NBEA: variants seen among roughly 807,000 people sequenced by gnomAD.
The protein encoded by NBEA is neurobeachin.
NBEA carries 44 observed loss-of-function variants against 343.4 expected under a neutral mutation model. The ratio of observed to expected loss-of-function variants is 0.13; its 90% CI spans 0.10 to 0.16. The LOEUF is 0.16. Ranked by LOEUF, NBEA falls within the 10% of genes least tolerant of loss-of-function variation. The pLI, the probability that NBEA is intolerant of heterozygous loss-of-function variation, is 1.00. For missense variants in NBEA, 2,555 were observed against 3,631.3 expected (o/e 0.70, Z 7.62); for synonymous variants, 1,175 against 1,238.7 (o/e 0.95, Z 1.08).
intron 10 of NBEA, among the ~76,000 whole-genome samples, chr13:35,084,871 A>G (rs2064648743): frequency 6.6e-6 from 1 of 152,158 alleles, no homozygotes; most frequent in South Asian, 2.1e-4. Flanking sequence ...GAAGAATCAA[A>G]TAGATGCAAT....
intron 38 of NBEA, among the ~76,000 whole-genome samples, chr13:35,358,365 A>G (rs1385728249): frequency 6.6e-6 from 1 of 152,088 alleles, no homozygotes; most frequent in Admixed American, 6.6e-5. Flanking sequence ...CAAAACAGAT[A>G]TACTTTCTCC....
chr13:35,647,723 C>T (rs1033756146), intron 51 of NBEA, among the ~76,000 whole-genome samples: 17 of 152,170 alleles, frequency 1.1e-4, no homozygotes, highest in South Asian at 6.2e-4. Context: ...TGCGCCACCA[C>T]CCCTGGCTAA....
chr13:35,130,889 A>C (rs2067385591), intron 17 of NBEA, among the ~76,000 whole-genome samples: 1 of 152,064 alleles, frequency 6.6e-6, no homozygotes, highest in South Asian at 2.1e-4. Context: ...AATAACTATA[A>C]CAAGAAGTTA....
intron 11 of NBEA, among the ~76,000 whole-genome samples, chr13:35,101,810 G>C (rs778858615): frequency 6.6e-6 from 1 of 151,478 alleles, no homozygotes; most frequent in Non-Finnish European, 1.5e-5. Flanking sequence ...TATGTATTTT[G>C]GATGTGATTA....
chr13:35,384,716 G>C (rs1345543377), intron 38 of NBEA, among the ~76,000 whole-genome samples: 1 of 151,860 alleles, frequency 6.6e-6, no homozygotes, highest in Non-Finnish European at 1.5e-5. Context: ...TGTAGAGACG[G>C]GGTTTCACCA....
intron 8 of NBEA, among the ~76,000 whole-genome samples, chr13:35,068,255 C>A (rs1173325121): frequency 1.3e-5 from 2 of 151,948 alleles, no homozygotes; most frequent in Non-Finnish European, 2.9e-5. Context: ...AAAACTAAGA[C>A]CAATCAATGT....
At chr13:34,994,146 C>T (rs775773130) in intron 1 of NBEA, among the ~76,000 whole-genome samples, 1 of 131,326 alleles carries the variant, frequency 7.6e-6, no homozygotes. Context: ...TGCAGTGAGC[C>T]GAGGTCATGC....
chr13:35,033,982 G>T (rs993893783), intron 1 of NBEA, among the ~76,000 whole-genome samples: 1 of 151,412 alleles, frequency 6.6e-6, no homozygotes, highest in Non-Finnish European at 1.5e-5. Flanking sequence ...TTTCCCATTT[G>T]GATACCTTTT....
At position 35,173,740 on chromosome 13, in the gene NBEA, G is replaced by A. The variant is rs554868863; in HGVS notation, c.4554+146G>A. ...CAGCTCTAGGCTGCTTAACAATTTT[G>A]TTACCAAGATTACTTAACTTCTCTG... On this transcript the variant is annotated intron_variant, in intron 27 of 58. Transcript: ENST00000379939. 1.1e-4 allele frequency: 63 copies of A among 598,000 alleles called. No homozygotes were observed. In the African/African-American group the frequency reaches 1.1e-3, roughly 10 times the overall value. 37.0% of individuals were successfully genotyped at this position (598,000 alleles called of 1,614,324 possible). A position where few individuals can be genotyped will look rare whatever the true frequency, so the allele number is the denominator to read the frequency against.
intron 41 of NBEA, among the ~76,000 whole-genome samples, chr13:35,543,308 G>A (rs2078916327): frequency 1.3e-5 from 2 of 152,266 alleles, no homozygotes; most frequent in East Asian, 1.9e-4. Flanking sequence ...TTATAGAGGT[G>A]TTGAAAAATC....
intron 36 of NBEA, among the ~76,000 whole-genome samples, chr13:35,317,094 T>C (rs1049393473): frequency 6.6e-6 from 1 of 152,242 alleles, no homozygotes; most frequent in Non-Finnish European, 1.5e-5. Context: ...TCTTTTGCTG[T>C]GCAGAAGCTC....
chr13:35,109,197 T>C (rs575498797), intron 11 of NBEA, 93 bp from the exon 12 acceptor site: 1 of 1,067,826 alleles, frequency 9.4e-7, no homozygotes, highest in Non-Finnish European at 1.3e-6. Flanking sequence ...AGGGATAGCA[T>C]ATGAAAAATT....
At chr13:35,559,624 A>T (rs1300074752) in intron 44 of NBEA, among the ~76,000 whole-genome samples, 10 of 152,150 alleles carry the variant, frequency 6.6e-5, no homozygotes, top group Non-Finnish European at 1.5e-4. Flanking sequence ...TTCCTATTGA[A>T]ACATTCCTTG....
In NBEA at chr13:34,955,335, A is replaced by G. The variant is rs1426480129; in HGVS notation, c.294+12221A>G. Reference sequence around the variant, plus strand: ...TACTTCTTGGGTACATAAAAGAGTAACATAATTCATACCTTCAAATAACTT... The same window carrying G: ...TACTTCTTGGGTACATAAAAGAGTAGCATAATTCATACCTTCAAATAACTT... On this transcript the variant is annotated intron_variant, in intron 1 of 58. Coordinates refer to ENST00000379939, the MANE Select transcript of NBEA (RefSeq NM_001385012.1). Among the ~76,000 whole-genome samples the G allele has an allele frequency of 2.0e-5, 3 of 152,048 alleles. No homozygotes were observed. In the East Asian group the frequency reaches 5.8e-4, roughly 29 times the overall value.
At chr13:35,398,214 AATTGCT>A (rs1198794349) in intron 38 of NBEA, among the ~76,000 whole-genome samples, 37 of 152,080 alleles carry the variant, frequency 2.4e-4, no homozygotes, top group African/African-American at 8.7e-4. Flanking sequence ...AGATTGTAAC[AATTGCT>A]ATTGCTATTT....
intron 8 of NBEA, among the ~76,000 whole-genome samples, chr13:35,066,162 T>C (rs1276042269): frequency 6.6e-6 from 1 of 152,108 alleles, no homozygotes; most frequent in Non-Finnish European, 1.5e-5. Flanking sequence ...GGTCTTGCTC[T>C]GTTGCTCAAG....
chr13:35,143,874 T>G (rs2068237264), intron 18 of NBEA, among the ~76,000 whole-genome samples: 1 of 146,182 alleles, frequency 6.8e-6, no homozygotes, highest in Non-Finnish European at 1.5e-5. Flanking sequence ...AGTGACAAAG[T>G]GAGACCCTGT....
At chr13:35,173,026 C>G (rs113423260) in intron 26 of NBEA, among the ~76,000 whole-genome samples, 1 of 151,794 alleles carries the variant, frequency 6.6e-6, no homozygotes, top group East Asian at 1.9e-4. Context: ...CTATTATTGC[C>G]CGAAATGGGA....
intron 49 of NBEA, among the ~76,000 whole-genome samples, chr13:35,633,805 A>G (rs1374924645): frequency 6.6e-6 from 1 of 152,208 alleles, no homozygotes; most frequent in African/African-American, 2.4e-5. Flanking sequence ...TAATTTCATT[A>G]TATATGACAC....
Sources: allele counts gnomAD v4.1 joint callset (sites outside exome capture counted in the v4.1 genomes callset), GRCh38; gene constraint gnomAD v4.1.1; transcripts MANE v1.5; gene names NCBI Gene and HGNC (gene_info 2026-07-23, HGNC 2026-07-21).